AXIN1: variants seen among roughly 807,000 people sequenced by gnomAD.
The protein encoded by AXIN1 is axin-1.
Under a neutral mutation model 76.4 loss-of-function variants are expected in AXIN1, and 30 were observed. That is an observed-to-expected ratio of 0.39 (90% CI 0.29 to 0.53). The LOEUF (loss-of-function observed/expected upper bound fraction) is 0.53, where lower values mean the gene tolerates loss of function less well. Among genes scored for constraint, AXIN1 ranks in the 20% least tolerant of loss-of-function variants. The probability of loss-of-function intolerance (pLI) is 0.66; values close to 1 mark genes in which losing one functional copy is unlikely to be tolerated. For synonymous variants in AXIN1, 545 were observed against 501.4 expected, an observed-to-expected ratio of 1.09 and a Z score of -1.16; for missense variants, 1,140 against 1,198.8, an observed-to-expected ratio of 0.95 and a Z score of 0.72.
At chr16:290,836 CCTGG>C in intron 9 of AXIN1, 1 of 405,114 alleles carries the variant, frequency 2.5e-6, no homozygotes, top group South Asian at 2.1e-5. Flanking sequence ...TCAAGTCAGG[CCTGG>C]CAGGGACCGG....
At chr16:308,120 C>A (rs1276870820) in intron 4 of AXIN1, among the ~76,000 whole-genome samples, 1 of 152,206 alleles carries the variant, frequency 6.6e-6, no homozygotes, top group African/African-American at 2.4e-5. Flanking sequence ...TCTGGGGGTG[C>A]GGAACGCAGC....
intron 2 of AXIN1, among the ~76,000 whole-genome samples, chr16:314,962 C>T (rs958376176): frequency 6.6e-6 from 1 of 152,210 alleles, no homozygotes; most frequent in African/African-American, 2.4e-5. Flanking sequence ...CACACGTGAT[C>T]ATTTGGGTTT....
chr16:352,169 G>A (rs891165122), intron 1 of AXIN1, among the ~76,000 whole-genome samples, 200 bp downstream of exon 1: 4 of 151,776 alleles, frequency 2.6e-5, no homozygotes, highest in Non-Finnish European at 4.4e-5. Flanking sequence ...TCCGTGCCCC[G>A]AGACGCGCCC....
intron 5 of AXIN1, among the ~76,000 whole-genome samples, chr16:299,951 G>A (rs543753934): frequency 1.2e-4 from 18 of 150,232 alleles, no homozygotes; most frequent in Middle Eastern, 3.5e-3. Context: ...CACCGTGCCC[G>A]GCCTATTTTT....
intron 2 of AXIN1, among the ~76,000 whole-genome samples, chr16:334,954 A>G (rs1466721522): frequency 6.6e-6 from 1 of 152,126 alleles, no homozygotes; most frequent in Non-Finnish European, 1.5e-5. Flanking sequence ...TTTTTATGAG[A>G]TATTTAATTT....
intron 7 of AXIN1, among the ~76,000 whole-genome samples, chr16:294,815 C>T (rs1417101429): frequency 6.7e-6 from 1 of 148,250 alleles, no homozygotes; most frequent in Non-Finnish European, 1.5e-5. Flanking sequence ...GTAATCCCAG[C>T]ACTTTGGGAG....
chr16:317,638 G>C (rs1407501104), intron 2 of AXIN1, among the ~76,000 whole-genome samples: 1 of 152,202 alleles, frequency 6.6e-6, no homozygotes, highest in Admixed American at 6.5e-5. Context: ...GCTGGGCTTT[G>C]TAAGTTTGGT....
rs150644521 is a variant in AXIN1 at position 330,548 on chromosome 16, G to A, written c.878+15600C>T. ...TGACGACCTCTTTCCTCTGCTCAGC[G>A]TGAACACCGTGCATTGAATTCAGTT... On this transcript the variant is annotated intron_variant, in intron 2 of 10. Coordinates refer to ENST00000262320, the MANE Select transcript of AXIN1 (RefSeq NM_003502.4). Among the ~76,000 whole-genome samples the A allele has an allele frequency of 3.0e-3, 452 of 152,300 alleles. 1 individual carries two copies. The highest frequency in any genetic ancestry group is 0.01 in the African/African-American group (424 of 41,566).
intron 9 of AXIN1, chr16:290,975 C>T (rs2052541029): frequency 3.3e-6 from 2 of 613,390 alleles, no homozygotes; most frequent in Admixed American, 2.5e-5. Flanking sequence ...GGTCACTTGT[C>T]ATCATGCTGG....
chr16:287,913 C>G lies in AXIN1; in HGVS notation c.*209G>C, dbSNP rs2052428426. On this transcript the variant is annotated 3_prime_UTR_variant, in exon 11 of 11. Transcript: ENST00000262320. ...TCCAAGTATTGCTATGAGGAGTGGTCCAGGCTGCCTCCTTGGGGGCAGGAC... is the reference window on the plus strand; with the variant it reads ...TCCAAGTATTGCTATGAGGAGTGGTGCAGGCTGCCTCCTTGGGGGCAGGAC... 3 of 762,298 alleles carry G rather than the reference C, an allele frequency of 3.9e-6. No homozygotes were observed. The highest frequency in any genetic ancestry group is 6.5e-6 in the Non-Finnish European group (3 of 458,130). The allele number at this position is 762,298 out of a possible 1,614,324, so 47.2% of individuals were successfully genotyped here.
At position 346,863 on chromosome 16, in the gene AXIN1, C is replaced by T. The variant is rs2141708106; in HGVS notation, c.163G>A (p.Glu55Lys). 6.2e-7 allele frequency: 1 copy of T among 1,613,708 alleles called. No individual in the cohort carries two copies. Among genetic ancestry groups the T allele is most frequent in the Non-Finnish European group, 8.5e-7 (1 of 1,179,580 alleles). Residue 55 changes from glutamate (E) to lysine (K), a missense_variant, in exon 2 of 11, where the codon GAG (glutamate) becomes AAG (lysine). Physicochemically the swap from Glu to Lys is moderately conservative, Grantham distance 56 (BLOSUM62 1). This residue lies in a region of AXIN1 where 708 missense variants were observed against 776.9 expected (regional missense o/e 0.91). Coordinates refer to ENST00000262320, the MANE Select transcript of AXIN1 (RefSeq NM_003502.4). The part of the protein sequence containing the change: ...CSGKGVGIKG[E>K]TSTATPRRSD... ...CGCCTCGGAGTGGCCGTCGAAGTCT[C>T]ACCTTTAATGCCAACACCTTTCCCG... is the stretch of plus-strand genomic sequence containing the variant.
At chr16:341,670 C>G in intron 2 of AXIN1, among the ~76,000 whole-genome samples, 1 of 137,018 alleles carries the variant, frequency 7.3e-6, no homozygotes, top group African/African-American at 3.4e-5. Flanking sequence ...CCTGCAACCC[C>G]GGTGCGGGAT....
intron 8 of AXIN1, chr16:292,313 T>C (rs893978521): frequency 6.6e-6 from 1 of 152,286 alleles, no homozygotes; most frequent in Non-Finnish European, 1.5e-5. Flanking sequence ...CACAGATGTT[T>C]GGTCATAAAG....
In AXIN1 at chr16:304,445, C is replaced by T. The variant is rs375486706; in HGVS notation, c.1117-4G>A. 5.6e-6 allele frequency: 9 copies of T among 1,612,540 alleles called. No individual in the cohort carries two copies. Among genetic ancestry groups the T allele is most frequent in the East Asian group, 4.5e-5 (2 of 44,894 alleles). ...CCTTCGGCACCCGGTACGTGCGCTG[C>T]GAGGGACAGGACTGTGAGGCACGGG... On this transcript the variant is annotated splice_polypyrimidine_tract_variant and splice_region_variant and intron_variant, in intron 4 of 10. Transcript: ENST00000262320.
At chr16:294,748 C>T (rs1201177374) in intron 7 of AXIN1, among the ~76,000 whole-genome samples, 2 of 130,220 alleles carry the variant, frequency 1.5e-5, no homozygotes, top group East Asian at 2.2e-4. Flanking sequence ...GGAGCGAAAC[C>T]CCATCTCAAA....
chr16:332,520 G>C (rs1351155801), intron 2 of AXIN1, among the ~76,000 whole-genome samples: 1 of 150,014 alleles, frequency 6.7e-6, no homozygotes, highest in Admixed American at 6.7e-5. Context: ...AGGTTGCAGT[G>C]AGCTGAGACC....
rs1466944676 is a variant in AXIN1, at chr16:293,612, G to C, written c.2062C>G (p.Leu688Val). ...QLRTSVQPSHLFIQDPTMPPH... is the reference protein window; with the variant it reads ...QLRTSVQPSHVFIQDPTMPPH... ...GGCATGGTGGGGTCTTGGATGAAGA[G>C]GTGGGAGGGCTGCACGGAGGTCCGG... The change falls in exon 8 of 11, where the codon CTC (leucine) becomes GTC (valine). Residue 688 changes from leucine (L) to valine (V), a missense_variant. Leu to Val is a conservative substitution (Grantham distance 32, BLOSUM62 1). Around this residue, in one of 3 missense-constraint regions of AXIN1, gnomAD observed 429 missense variants for 405.8 expected, o/e 1.06. Transcript: ENST00000262320. This position sits in a 1 kb window ranked among gnomAD's most constrained non-coding sequence, Gnocchi z 4.6. The C allele has an allele frequency of 1.9e-6, 3 of 1,613,410 alleles. No individual in the cohort carries two copies. The highest frequency in any genetic ancestry group is 2.5e-6 in the Non-Finnish European group (3 of 1,179,986).
At chr16:298,300 T>A (rs1464624223) in intron 5 of AXIN1, 49 bp from the exon 6 acceptor site, 2 of 1,536,068 alleles carry the variant, frequency 1.3e-6, no homozygotes, top group Non-Finnish European at 1.7e-6. Flanking sequence ...AGCTGCACAC[T>A]TGGGGAAAAC....
intron 1 of AXIN1, among the ~76,000 whole-genome samples, chr16:351,762 A>ATC: frequency 6.6e-6 from 1 of 152,096 alleles, no homozygotes; most frequent in Non-Finnish European, 1.5e-5. Context: ...ATATATATAT[A>ATC]TCTTATAGAT....
Sources: gnomAD v4.1 joint callset for allele counts (sites outside exome capture counted in the v4.1 genomes callset) on GRCh38, gnomAD v4.1.1 for gene constraint, gnomAD v4.1.1 regional missense constraint, Gnocchi (gnomAD v3.1) non-coding constraint, MANE v1.5 for transcripts, NCBI Gene and HGNC (gene_info 2026-07-23, HGNC 2026-07-21) for gene names.